PDIA6: variants seen among roughly 807,000 people sequenced by gnomAD.
The protein encoded by PDIA6 is protein disulfide isomerase family A member 6.
Under a neutral mutation model 58.4 loss-of-function variants are expected in PDIA6, and 29 were observed. The observed-to-expected ratio is 0.50, with a 90% CI of 0.37 to 0.68. The LOEUF is 0.68. Among genes scored for constraint, PDIA6 ranks in the 30% least tolerant of loss-of-function variants. The probability of loss-of-function intolerance (pLI) is 0.00; values close to 1 mark genes in which losing one functional copy is unlikely to be tolerated. For missense variants in PDIA6, 480 were observed against 551.0 expected, an observed-to-expected ratio of 0.87 and a Z score of 1.29; for synonymous variants, 192 against 202.6, an observed-to-expected ratio of 0.95 and a Z score of 0.44.
At chr2:10,821,857 C>T (rs1300434846) in intron 1 of PDIA6, among the ~76,000 whole-genome samples, 1 of 152,146 alleles carries the variant, frequency 6.6e-6, no homozygotes, top group South Asian at 2.1e-4. Context: ...CTCCTGGGCT[C>T]AAGTGATCCT....
intron 10 of PDIA6, among the ~76,000 whole-genome samples, chr2:10,787,923 G>A (rs1325307051): frequency 2.6e-5 from 4 of 152,074 alleles, no homozygotes; most frequent in East Asian, 3.9e-4. Flanking sequence ...AAAATTAGCC[G>A]GGCATGGTGG....
rs190077016 is a variant in PDIA6 at position 10,796,270 on chromosome 2, G to A, written c.346+811C>T. Among the ~76,000 whole-genome samples, 108 of 152,084 alleles carry A rather than the reference G, an allele frequency of 7.1e-4. 1 individual carries two copies. The highest frequency in any genetic ancestry group is 6.6e-3 in the Admixed American group (101 of 15,276). The stretch of plus-strand genomic sequence containing the variant: ...GGGTTTCACCGTGTTAGCCAGGATG[G>A]TCTCGATCTCCTGACCTCGTGATCC... On this transcript the variant is annotated intron_variant, in intron 4 of 12. Transcript: ENST00000272227.
chr2:10,808,384 A>T (rs1403419833), intron 1 of PDIA6, among the ~76,000 whole-genome samples: 2 of 152,242 alleles, frequency 1.3e-5, no homozygotes, highest in South Asian at 2.1e-4. Flanking sequence ...AATAACAGGC[A>T]TGCAGTCTGC....
exon 1 of PDIA6, chr2:10,837,563 A>C: frequency 1.3e-6 from 1 of 769,822 alleles, no homozygotes; most frequent in South Asian, 1.5e-5. Flanking sequence ...AACTCATTTG[A>C]TCCTCGGGAC....
chr2:10,804,680 T>C, intron 1 of PDIA6, among the ~76,000 whole-genome samples: 1 of 132,220 alleles, frequency 7.6e-6, no homozygotes, highest in Admixed American at 8.4e-5. Flanking sequence ...CATATGAACT[T>C]TAAAGTAGTT....
chr2:10,830,996 C>A (rs1183911817), intron 1 of PDIA6, among the ~76,000 whole-genome samples: 1 of 152,222 alleles, frequency 6.6e-6, no homozygotes, highest in East Asian at 1.9e-4. Flanking sequence ...CCGGCCCAGC[C>A]CCTCACTGTC....
upstream of PDIA6, among the ~76,000 whole-genome samples, chr2:10,817,268 A>G (rs376148840): frequency 1.3e-5 from 2 of 152,222 alleles, no homozygotes; most frequent in Non-Finnish European, 2.9e-5. Context: ...GCAGCAAGTC[A>G]CTTGCCCTGC....
At position 10,802,541 on chromosome 2, in the gene PDIA6, A is replaced by G; in HGVS notation, c.119T>C (p.Ile40Thr). 1.3e-6 allele frequency: 2 copies of G among 1,483,964 alleles called. No individual in the cohort carries two copies. Among genetic ancestry groups the G allele is most frequent in the Non-Finnish European group, 1.8e-6 (2 of 1,114,922 alleles). The allele number at this position is 1,483,964 out of a possible 1,614,324, so 91.9% of individuals were successfully genotyped here. A position where few individuals can be genotyped will look rare whatever the true frequency, so the allele number is the denominator to read the frequency against. The change falls in exon 2 of 13, where the codon ATT (isoleucine) becomes ACT (threonine). Residue 40 changes from isoleucine to threonine, a missense_variant. By Grantham distance (89) the Ile-to-Thr change is moderately conservative (BLOSUM62 -1). Transcript: ENST00000272227. ...TACAAGCCACAAACTATCACTCTGAATAACTTCTCGGTTGAAATTCGATGG... is the reference window on the plus strand; with the variant it reads ...TACAAGCCACAAACTATCACTCTGAGTAACTTCTCGGTTGAAATTCGATGG... ...LTPSNFNREV[I>T]QSDSLWLVEF... is the part of the protein sequence containing the mutation.
rs1666112669 is a variant in PDIA6 at position 10,793,170 on chromosome 2, C to A, written c.379G>T (p.Ala127Ser). Residue 127 changes from alanine to serine, a missense_variant, in exon 5 of 13, where the codon GCG (alanine) becomes TCG (serine). Coordinates refer to ENST00000272227, the MANE Select transcript of PDIA6 (RefSeq NM_005742.4). ...ACGAGCTGGCGCAGAGCACTCAGCG[C>A]AGCATCTACAATGGCTTCACCAGTT... ...GRTGEAIVDA[A>S]LSALRQLVKD... 5 of 1,614,002 alleles carry A rather than the reference C, an allele frequency of 3.1e-6. No homozygotes were observed. Among genetic ancestry groups the A allele is most frequent in the Non-Finnish European group, 8.5e-7 (1 of 1,179,976 alleles).
chr2:10,789,950 T>C, intron 7 of PDIA6, 61 bp from the exon 8 acceptor site: 1 of 1,478,436 alleles, frequency 6.8e-7, no homozygotes, highest in Admixed American at 2.0e-5. Flanking sequence ...TAACACAATC[T>C]TTACAGTTTC....
At chr2:10,813,833 T>C (rs969643104), upstream of PDIA6, among the ~76,000 whole-genome samples, 2 of 151,688 alleles carry the variant, frequency 1.3e-5, no homozygotes, top group African/African-American at 4.9e-5. Context: ...ACAGGGTTTC[T>C]CTTGCCTCAG....
chr2:10,828,175 G>T (rs979610319), intron 1 of PDIA6, among the ~76,000 whole-genome samples: 2 of 152,230 alleles, frequency 1.3e-5, no homozygotes, highest in East Asian at 3.9e-4. Flanking sequence ...TATGGGTCTG[G>T]ACAGATGGAG....
Position 10,792,695 on chromosome 2 carries a change from T to G in PDIA6, c.453+401A>C, listed in dbSNP as rs979937828. On this transcript the variant is annotated intron_variant, in intron 5 of 12. Transcript: ENST00000272227. Reference sequence around the variant, plus strand: ...CTATCCATTTGTGTAGAATTTTCCATGGATTTGGGGCTGACTGCCACAGAT... The same window carrying G: ...CTATCCATTTGTGTAGAATTTTCCAGGGATTTGGGGCTGACTGCCACAGAT... Among the ~76,000 whole-genome samples, 10 of 151,946 alleles carry G rather than the reference T, an allele frequency of 6.6e-5. No homozygotes were observed. The South Asian group carries it at 2.1e-3, about 32-fold the overall frequency.
At chr2:10,806,622 T>TAAAGAAG (rs1207473085) in intron 1 of PDIA6, among the ~76,000 whole-genome samples, 6 of 48,756 alleles carry the variant, frequency 1.2e-4, no homozygotes, top group African/African-American at 2.6e-4. Context: ...TCCTAAAAAA[T>TAAAGAAG]AAAGACAGAA....
chr2:10,810,191 G>A, intron 1 of PDIA6: 1 of 890,254 alleles, frequency 1.1e-6, no homozygotes, highest in Non-Finnish European at 1.8e-6. Context: ...ATGTGTCATG[G>A]TGCCCATTAT....
intron 1 of PDIA6, among the ~76,000 whole-genome samples, chr2:10,802,935 C>T (rs571679057): frequency 4.6e-5 from 7 of 152,334 alleles, no homozygotes; most frequent in Non-Finnish European, 1.0e-4. Context: ...TTGTTCTTTA[C>T]AACCGCTCCA....
At chr2:10,823,303 TG>T (rs1274758036) in intron 1 of PDIA6, 3 of 152,244 alleles carry the variant, frequency 2.0e-5, no homozygotes, top group African/African-American at 7.2e-5. Context: ...CTCAATTCTT[TG>T]TCAGGCCTCT....
In PDIA6 at chr2:10,802,555, GA is replaced by G; in HGVS notation, c.104del (p.Phe35SerfsTer14). ...DDVIELTPSN[F>X]NREVIQSDSL... is the part of the protein sequence containing the mutation. ...TATCACTCTGAATAACTTCTCGGTT[GA>G]AATTCGATGGAGTTAATTCGATCAC... On this transcript the variant is annotated frameshift_variant, in exon 2 of 13. Transcript: ENST00000272227. LOFTEE classifies it high-confidence loss of function. 1 of 1,487,314 alleles carries G rather than the reference GA, an allele frequency of 6.7e-7. No homozygotes were observed. Among genetic ancestry groups the G allele is most frequent in the Non-Finnish European group, 9.0e-7 (1 of 1,116,526 alleles). 92.1% of individuals were successfully genotyped at this position (1,487,314 alleles called of 1,614,324 possible).
chr2:10,789,811 C>A lies in PDIA6; in HGVS notation c.778G>T (p.Asp260Tyr). The change falls in exon 8 of 13, where the codon GAC becomes TAC. Residue 260 changes from aspartate to tyrosine, a missense_variant. Physicochemically the swap from Asp to Tyr is radical, Grantham distance 160. Transcript: ENST00000272227. ...VDYDGGRTRSDIVSRALDLFS... is the reference protein window; with the variant it reads ...VDYDGGRTRSYIVSRALDLFS... ...AAATCAAGGGCCCGGGACACGATGT[C>A]GGATCTTGTCCGCCCACCGTCATAA... is the stretch of plus-strand genomic sequence containing the variant. 6.2e-7 allele frequency: 1 copy of A among 1,613,682 alleles called. No individual in the cohort carries two copies. Among genetic ancestry groups the A allele is most frequent in the South Asian group, 1.1e-5 (1 of 91,056 alleles).
Sources: gnomAD v4.1 joint callset for allele counts (sites outside exome capture counted in the v4.1 genomes callset) on GRCh38, gnomAD v4.1.1 for gene constraint, MANE v1.5 for transcripts, NCBI Gene and HGNC (gene_info 2026-07-23, HGNC 2026-07-21) for gene names.